OMA1: variants seen among roughly 807,000 people sequenced by gnomAD.
OMA1 encodes OMA1 zinc metallopeptidase.
Under a neutral mutation model 30.9 loss-of-function variants are expected in OMA1, and 38 were observed. The observed-to-expected ratio is 1.23, with a 90% CI of 0.95 to 1.61. The LOEUF is 1.61. OMA1 is among the 40% of genes most tolerant of loss of function. The pLI is 0.00. For synonymous variants in OMA1, 173 were observed against 121.9 expected, an observed-to-expected ratio of 1.42 and a Z score of -2.76; for missense variants, 461 against 349.2, an observed-to-expected ratio of 1.32 and a Z score of -2.55.
chr1:58,516,314 G>C (rs1646157041), intron 7 of OMA1, among the ~76,000 whole-genome samples: 1 of 152,190 alleles, frequency 6.6e-6, no homozygotes, highest in Non-Finnish European at 1.5e-5. Context: ...TAGTTTAGTT[G>C]CTTGTGAAAT....
chr1:58,494,288 A>C (rs1289659023), intron 8 of OMA1, among the ~76,000 whole-genome samples: 2 of 152,102 alleles, frequency 1.3e-5, no homozygotes, highest in Admixed American at 1.3e-4. Context: ...TAAAGACTTA[A>C]ATGTTAGACC....
chr1:58,492,130 A>C (rs1305440389), intron 8 of OMA1, among the ~76,000 whole-genome samples: 3 of 152,196 alleles, frequency 2.0e-5, no homozygotes, highest in Admixed American at 6.5e-5. Context: ...CCACTCAACC[A>C]CATGGCAACT....
intron 7 of OMA1, among the ~76,000 whole-genome samples, chr1:58,521,698 C>T (rs539251957): frequency 6.6e-6 from 1 of 152,110 alleles, no homozygotes; most frequent in East Asian, 1.9e-4. Context: ...AGAAAAACTA[C>T]AAAAACTGAA....
intron 1 of OMA1, among the ~76,000 whole-genome samples, chr1:58,545,575 G>A (rs1251298054): frequency 6.6e-6 from 1 of 152,134 alleles, no homozygotes; most frequent in Non-Finnish European, 1.5e-5. Flanking sequence ...AACATAGCTG[G>A]CAGACTTCTA....
intron 8 of OMA1, among the ~76,000 whole-genome samples, chr1:58,487,452 T>A (rs1463173063): frequency 6.6e-6 from 1 of 152,236 alleles, no homozygotes. Context: ...TATCAAATTG[T>A]CAAAACAAAA....
intron 7 of OMA1, among the ~76,000 whole-genome samples, chr1:58,514,439 G>C (rs1298788705): frequency 6.6e-6 from 1 of 152,128 alleles, no homozygotes; most frequent in Admixed American, 6.6e-5. Flanking sequence ...GAAATGCAAA[G>C]ATGAAAAGTA....
chr1:58,517,274 A>C (rs1474401473), intron 7 of OMA1, among the ~76,000 whole-genome samples: 3 of 152,180 alleles, frequency 2.0e-5, no homozygotes, highest in Non-Finnish European at 4.4e-5. Context: ...ATTGCTAATA[A>C]AGAAGTTTCT....
intron 2 of OMA1, among the ~76,000 whole-genome samples, chr1:58,538,076 T>C (rs908242873): frequency 2.0e-5 from 3 of 152,172 alleles, no homozygotes; most frequent in Admixed American, 2.0e-4. Context: ...TGGTTTTTGA[T>C]CAAAAGCAAA....
chr1:58,495,235 C>A (rs908250583), intron 8 of OMA1, among the ~76,000 whole-genome samples: 2 of 152,016 alleles, frequency 1.3e-5, no homozygotes, highest in African/African-American at 2.4e-5. Flanking sequence ...CACATGGACA[C>A]AGGAAGGGGA....
chr1:58,541,293 CAAAAAAAAAAAAAAAAAAAAA>C (rs71043292), intron 1 of OMA1, among the ~76,000 whole-genome samples: 22 of 27,572 alleles, frequency 8.0e-4, no homozygotes, highest in South Asian at 7.1e-3. Context: ...GACTCTGTCT[CAAAAAAAAAAAAAAAAAAAAA>C]AAAAAAAAAA....
chr1:58,481,465 A>T (rs1569859940), intron 8 of OMA1, among the ~76,000 whole-genome samples: 1 of 152,204 alleles, frequency 6.6e-6, no homozygotes, highest in East Asian at 1.9e-4. Flanking sequence ...TTAGAGATAC[A>T]TCTATGGTTT....
At chr1:58,493,066 C>G (rs1447396285) in intron 8 of OMA1, among the ~76,000 whole-genome samples, 2 of 152,176 alleles carry the variant, frequency 1.3e-5, no homozygotes, top group African/African-American at 4.8e-5. Flanking sequence ...AGCTTATCCA[C>G]CATGATCAAG....
At chr1:58,494,861 C>G (rs1487719167) in intron 8 of OMA1, among the ~76,000 whole-genome samples, 1 of 152,116 alleles carries the variant, frequency 6.6e-6, no homozygotes, top group South Asian at 2.1e-4. Context: ...GTCAGTGTGG[C>G]GATTCCTCAG....
chr1:58,487,748 T>A (rs1436347473), intron 8 of OMA1, among the ~76,000 whole-genome samples: 1 of 152,202 alleles, frequency 6.6e-6, no homozygotes, highest in African/African-American at 2.4e-5. Context: ...CTAGCTATAA[T>A]TTCTACTCCT....
chr1:58,527,009 T>C lies in OMA1; in HGVS notation c.1215+252A>G, dbSNP rs201734688. Among the ~76,000 whole-genome samples the C allele has an allele frequency of 3.3e-5, 5 of 152,136 alleles. No homozygotes were observed. In the East Asian group the frequency reaches 9.6e-4, roughly 29 times the overall value. On this transcript the variant is annotated intron_variant, in intron 7 of 8. Transcript: ENST00000371226. ...CTGACTTTCTTTTAATAGAACCTGATAATTACTATAATCTTATGGATTCTG... is the reference window on the plus strand; with the variant it reads ...CTGACTTTCTTTTAATAGAACCTGACAATTACTATAATCTTATGGATTCTG...
chr1:58,485,071 G>A (rs111633832), intron 8 of OMA1, among the ~76,000 whole-genome samples: 1 of 151,840 alleles, frequency 6.6e-6, no homozygotes, highest in Admixed American at 6.6e-5. Flanking sequence ...GTCAACATAG[G>A]TTCATCAATT....
At chr1:58,543,876 A>G (rs1302667280) in intron 1 of OMA1, among the ~76,000 whole-genome samples, 1 of 152,242 alleles carries the variant, frequency 6.6e-6, no homozygotes, top group African/African-American at 2.4e-5. Flanking sequence ...GCACTGTCCA[A>G]TAAGGTAGCC....
chr1:58,506,379 T>C (rs1474715678), intron 7 of OMA1, among the ~76,000 whole-genome samples, 170 bp from the exon 8 acceptor site: 1 of 152,250 alleles, frequency 6.6e-6, no homozygotes, highest in Non-Finnish European at 1.5e-5. Context: ...GTTGGTGTGC[T>C]GTACCCATTA....
chr1:58,494,720 T>C (rs1345368514), intron 8 of OMA1, among the ~76,000 whole-genome samples: 4 of 152,072 alleles, frequency 2.6e-5, no homozygotes, highest in Non-Finnish European at 5.9e-5. Context: ...CACAATGAGA[T>C]ACCATCTCAC....
Sources: allele counts gnomAD v4.1 joint callset (sites outside exome capture counted in the v4.1 genomes callset), GRCh38; gene constraint gnomAD v4.1.1; transcripts MANE v1.5; gene names NCBI Gene and HGNC (gene_info 2026-07-23, HGNC 2026-07-21).